TEX11: variants seen among roughly 807,000 people sequenced by gnomAD.
The protein encoded by TEX11 is testis-expressed protein 11.
Under a neutral mutation model 84.4 loss-of-function variants are expected in TEX11, and 7 were observed. That is an observed-to-expected ratio of 0.08 (90% CI 0.05 to 0.16). The LOEUF is 0.16. Among genes scored for constraint, TEX11 ranks in the 10% least tolerant of loss-of-function variants. The pLI is 1.00. For synonymous variants in TEX11, 264 were observed against 222.8 expected (o/e 1.18, Z -1.64); for missense variants, 551 against 660.5 (o/e 0.83, Z 1.82).
intron 9 of TEX11, among the ~76,000 whole-genome samples, chrX:70,761,934 C>A (rs1434006709): frequency 9.0e-6 from 1 of 111,541 alleles, no homozygotes; most frequent in Admixed American, 9.5e-5. Context: ...AAACAACATA[C>A]AATGGAGCTC....
At chrX:70,530,106 C>T (rs2087866737) in intron 28 of TEX11, 107 bp from the exon 29 acceptor site, 1 of 730,286 alleles carries the variant, frequency 1.4e-6, no homozygotes, top group Non-Finnish European at 2.0e-6. Flanking sequence ...AATAGGAGCT[C>T]TGCTGATGTT....
chrX:70,610,248 G>T (rs1214994190), intron 21 of TEX11, among the ~76,000 whole-genome samples: 4 of 101,486 alleles, frequency 3.9e-5, no homozygotes, highest in Non-Finnish European at 8.0e-5. Context: ...AGGGAGGGAG[G>T]GAAGGAAATG....
At chrX:70,607,122 G>T in intron 22 of TEX11, 93 bp from the exon 23 acceptor site, 2 of 628,571 alleles carry the variant, frequency 3.2e-6, no homozygotes, top group South Asian at 3.8e-5. Flanking sequence ...TTACACCTTT[G>T]ATATTAACAT....
Position 70,884,946 on chromosome X carries a change from G to A in TEX11, c.38-4837C>T, listed in dbSNP as rs1169375922. On this transcript the variant is annotated intron_variant, in intron 2 of 29. Coordinates refer to ENST00000374333, the MANE Select transcript of TEX11 (RefSeq NM_031276.3). ...GCCTCTAGTGCCCCAACTTCTCCAG[G>A]GCTGCCAAAAGAACTTGCATATATC... 2.7e-5 allele frequency among the ~76,000 whole-genome samples: 3 copies of A among 111,049 alleles called. No individual in the cohort carries two copies. In the East Asian group the frequency reaches 8.5e-4, roughly 32 times the overall value.
In TEX11 at chrX:70,632,564, GT is replaced by G. The variant is rs1435910424; in HGVS notation, c.1484-2830del. Among the ~76,000 whole-genome samples the G allele has an allele frequency of 4.5e-5, 5 of 110,504 alleles. No homozygotes were observed. In the Admixed American group the frequency reaches 4.8e-4, roughly 11 times the overall value. On this transcript the variant is annotated intron_variant, in intron 17 of 29. Transcript: ENST00000374333. Reference sequence around the variant, plus strand: ...GCCAAGGCTGTAGTGAGCTGTGTTCGTTTTTTTGAGACTCTATCAAAAACAA... The same window carrying G: ...GCCAAGGCTGTAGTGAGCTGTGTTCGTTTTTTGAGACTCTATCAAAAACAA...
chrX:70,896,036 T>C (rs1256963836), intron 2 of TEX11, among the ~76,000 whole-genome samples: 1 of 111,944 alleles, frequency 8.9e-6, no homozygotes, highest in African/African-American at 3.2e-5. Flanking sequence ...CTAATTAAAC[T>C]AAAGAGTTTC....
rs185773703 is a variant in TEX11, at chrX:70,672,576, C to T, written c.1243-2062G>A. Among the ~76,000 whole-genome samples the T allele has an allele frequency of 1.4e-3, 155 of 111,690 alleles. 1 individual carries two copies. The highest frequency in any genetic ancestry group is 2.2e-3 in the Non-Finnish European group (117 of 53,107). ...TGTATTGGTATCTCCTTGGGGTTTT[C>T]GTTTGCATTTCCCTAATGACTCATA... On this transcript the variant is annotated intron_variant, in intron 15 of 29. Coordinates refer to ENST00000374333, the MANE Select transcript of TEX11 (RefSeq NM_031276.3).
chrX:70,664,760 CAGCTG>C (rs1375233958), intron 16 of TEX11, among the ~76,000 whole-genome samples: 2 of 95,161 alleles, frequency 2.1e-5, no homozygotes, highest in Non-Finnish European at 4.2e-5. Flanking sequence ...AAATGAGTCA[CAGCTG>C]ACCTTCATCT....
At chrX:70,539,131 T>C (rs1406725584) in intron 28 of TEX11, among the ~76,000 whole-genome samples, 2 of 101,555 alleles carry the variant, frequency 2.0e-5, no homozygotes, top group Non-Finnish European at 4.0e-5. Context: ...GCCTCCTAGG[T>C]TCAAGCAATT....
intron 5 of TEX11, among the ~76,000 whole-genome samples, chrX:70,853,989 A>T: frequency 8.9e-6 from 1 of 112,298 alleles, no homozygotes; most frequent in Non-Finnish European, 1.9e-5. Context: ...AATGAAAAAC[A>T]TCCAGTCCTA....
Position 70,594,847 on chromosome X carries a change from C to T in TEX11, c.2068-3024G>A, listed in dbSNP as rs1166095246. Among the ~76,000 whole-genome samples the T allele has an allele frequency of 7.2e-5, 8 of 111,139 alleles. 1 individual carries two copies. The South Asian group carries it at 1.2e-3, about 16-fold the overall frequency. On this transcript the variant is annotated intron_variant, in intron 24 of 29. Transcript: ENST00000374333. Reference sequence around the variant, plus strand: ...TTTCCTGCTACCCTGTGAAGAGGTGCCTTCCATCATGATTCTAAGTTTCCT... The same window carrying T: ...TTTCCTGCTACCCTGTGAAGAGGTGTCTTCCATCATGATTCTAAGTTTCCT...
chrX:70,633,979 C>A (rs1345332907), intron 17 of TEX11, among the ~76,000 whole-genome samples: 2 of 111,844 alleles, frequency 1.8e-5, no homozygotes. Context: ...CTGATGGAAT[C>A]TACAGGGAAG....
At chrX:70,514,452 A>G in the TEX11 span, among the ~76,000 whole-genome samples, 112 of 109,950 alleles carry the variant, frequency 1.0e-3, no homozygotes, top group African/African-American at 3.6e-3. Flanking sequence ...AAAATTAGCC[A>G]GGCGTGGTGG....
At chrX:70,575,744 C>A (rs935768032) in intron 25 of TEX11, among the ~76,000 whole-genome samples, 1 of 111,921 alleles carries the variant, frequency 8.9e-6, no homozygotes, top group African/African-American at 3.2e-5. Flanking sequence ...GGACTCATCT[C>A]CCACTATATA....
chrX:70,682,623 A>T (rs2090156431), intron 14 of TEX11, 51 bp downstream of exon 14: 2 of 1,157,983 alleles, frequency 1.7e-6, no homozygotes, highest in African/African-American at 3.6e-5. Flanking sequence ...ACATCTAAGA[A>T]TTATACACAA....
chrX:70,800,107 T>C (rs2091178268), intron 9 of TEX11, among the ~76,000 whole-genome samples: 1 of 111,583 alleles, frequency 9.0e-6, no homozygotes, highest in African/African-American at 3.3e-5. Context: ...TTAAATATCT[T>C]CTCCATTTCA....
intron 13 of TEX11, among the ~76,000 whole-genome samples, chrX:70,718,083 C>T (rs2090523206): frequency 9.0e-6 from 1 of 111,379 alleles, no homozygotes; most frequent in South Asian, 3.8e-4. Context: ...AATTCGGGTA[C>T]CGTATCAAGA....
At chrX:70,750,933 A>AAAAAATATATAT (rs1390175136) in intron 9 of TEX11, among the ~76,000 whole-genome samples, 4 of 28,196 alleles carry the variant, frequency 1.4e-4, no homozygotes, top group African/African-American at 4.8e-4. Context: ...AAAAAAAAAA[A>AAAAAATATATAT]ATATATATAT....
At chrX:70,566,204 T>A (rs2088473029) in intron 25 of TEX11, among the ~76,000 whole-genome samples, 1 of 102,250 alleles carries the variant, frequency 9.8e-6, no homozygotes, top group African/African-American at 3.6e-5. Context: ...GGCTCTCTGT[T>A]TGTCTGTTAT....
Sources: allele counts gnomAD v4.1 joint callset (sites outside exome capture counted in the v4.1 genomes callset), GRCh38; gene constraint gnomAD v4.1.1; transcripts MANE v1.5; gene names NCBI Gene and HGNC (gene_info 2026-07-23, HGNC 2026-07-21).